CNTNAP2: variants seen among roughly 807,000 people sequenced by gnomAD.
CNTNAP2 encodes the protein contactin associated protein 2, also known as contactin-associated protein-like 2.
In CNTNAP2, 98 loss-of-function variants were observed where a neutral mutation model predicts 155.2. The ratio of observed to expected loss-of-function variants is 0.63; its 90% CI spans 0.54 to 0.75. The LOEUF (loss-of-function observed/expected upper bound fraction) is 0.75, where lower values mean the gene tolerates loss of function less well. Ranked by LOEUF, CNTNAP2 falls within the 30% of genes least tolerant of loss-of-function variation. The pLI, the probability that CNTNAP2 is intolerant of heterozygous loss-of-function variation, is 0.00. For synonymous variants in CNTNAP2, 651 were observed against 631.2 expected, an observed-to-expected ratio of 1.03 and a Z score of -0.47; for missense variants, 1,727 against 1,688.1, an observed-to-expected ratio of 1.02 and a Z score of -0.40.
In CNTNAP2 at chr7:147,685,012, A is replaced by G. The variant is rs529865805; in HGVS notation, c.2098+45706A>G. Among the ~76,000 whole-genome samples the G allele has an allele frequency of 5.9e-5, 9 of 152,052 alleles. No homozygotes were observed. In the South Asian group the frequency reaches 1.9e-3, roughly 31 times the overall value. On this transcript the variant is annotated intron_variant, in intron 13 of 23. Coordinates refer to ENST00000361727, the MANE Select transcript of CNTNAP2 (RefSeq NM_014141.6). The stretch of plus-strand genomic sequence containing the variant: ...TGTAGCTTTTTTTAATATTGTTGAC[A>G]TAAGAGAATCTGAAGTATCATTTCT...
intron 13 of CNTNAP2, among the ~76,000 whole-genome samples, chr7:147,821,686 C>T (rs2116622467): frequency 6.6e-6 from 1 of 151,716 alleles, no homozygotes; most frequent in East Asian, 1.9e-4. Context: ...AGGAAAAGGC[C>T]CTGAAAAGGG....
At chr7:146,856,683 C>G (rs991377030) in intron 3 of CNTNAP2, among the ~76,000 whole-genome samples, 2 of 152,128 alleles carry the variant, frequency 1.3e-5, no homozygotes, top group Admixed American at 1.3e-4. Flanking sequence ...GAAGCAGACA[C>G]TGTGCGCCTC....
At chr7:148,204,900 TC>T (rs1795424001) in intron 18 of CNTNAP2, among the ~76,000 whole-genome samples, 1 of 152,206 alleles carries the variant, frequency 6.6e-6, no homozygotes, top group South Asian at 2.1e-4. Context: ...AGTTACCTCA[TC>T]TGTAAAATAG....
chr7:147,115,843 G>A (rs1800975660), intron 5 of CNTNAP2, among the ~76,000 whole-genome samples: 2 of 152,132 alleles, frequency 1.3e-5, no homozygotes, highest in Admixed American at 6.6e-5. Context: ...GCCCAGTTCT[G>A]AGCGCTTGCT....
intron 5 of CNTNAP2, among the ~76,000 whole-genome samples, chr7:147,112,345 A>T (rs930422620): frequency 6.6e-6 from 1 of 152,076 alleles, no homozygotes; most frequent in Non-Finnish European, 1.5e-5. Context: ...CTTTCTTCCT[A>T]TTTGAATACC....
intron 9 of CNTNAP2, among the ~76,000 whole-genome samples, chr7:147,382,636 T>C (rs77863710): frequency 6.6e-6 from 1 of 152,156 alleles, no homozygotes; most frequent in Admixed American, 6.6e-5. Context: ...GACAGAGATA[T>C]GATTAGAGAC....
intron 11 of CNTNAP2, among the ~76,000 whole-genome samples, chr7:147,499,967 T>C (rs991045629): frequency 7.9e-5 from 12 of 152,298 alleles, no homozygotes; most frequent in African/African-American, 2.9e-4. Flanking sequence ...GAAGTAGAAA[T>C]GTATCTATTT....
intron 21 of CNTNAP2, among the ~76,000 whole-genome samples, chr7:148,359,559 T>C (rs1171254148): frequency 6.6e-6 from 1 of 152,240 alleles, no homozygotes; most frequent in Non-Finnish European, 1.5e-5. Flanking sequence ...TGCAGCCAGT[T>C]ACATTGCTAG....
chr7:146,208,413 T>G (rs1798982363), intron 1 of CNTNAP2, among the ~76,000 whole-genome samples: 1 of 152,138 alleles, frequency 6.6e-6, no homozygotes, highest in South Asian at 2.1e-4. Context: ...TTATTTATAG[T>G]TGAAATAAGA....
chr7:147,108,357 T>C lies in CNTNAP2; in HGVS notation c.754+7T>C. ...GTCCTCAGTTTAAACTTAGGTGTGT[T>C]CTGACTGTCAGTTCTATTCTTTCCG... On this transcript the variant is annotated splice_region_variant and intron_variant, in intron 5 of 23. Coordinates refer to ENST00000361727, the MANE Select transcript of CNTNAP2 (RefSeq NM_014141.6). The C allele has an allele frequency of 6.2e-7, 1 of 1,610,944 alleles. No individual in the cohort carries two copies. The highest frequency in any genetic ancestry group is 1.3e-5 in the African/African-American group (1 of 74,972).
Position 148,305,222 on chromosome 7 carries a change from CAAAAAAAAAAA to C in CNTNAP2, c.3475+38116_3475+38126del, listed in dbSNP as rs34005083. Among the ~76,000 whole-genome samples, 54 of 51,942 alleles carry C rather than the reference CAAAAAAAAAAA, an allele frequency of 1.0e-3. 1 individual carries two copies. The highest frequency in any genetic ancestry group is 1.4e-3 in the African/African-American group (20 of 14,164). The allele number at this position is 51,942 out of a possible 152,430, so 34.1% of individuals were successfully genotyped here. On this transcript the variant is annotated intron_variant, in intron 21 of 23. Coordinates refer to ENST00000361727, the MANE Select transcript of CNTNAP2 (RefSeq NM_014141.6). ...TGGGTGAAAGACCAAGGCCCTGTCTCAAAAAAAAAAAAAAAAAAAAAAAAAAAAAAGTTTCC... is the reference window on the plus strand; with the variant it reads ...TGGGTGAAAGACCAAGGCCCTGTCTCAAAAAAAAAAAAAAAAAAAGTTTCC...
At chr7:147,661,614 A>G (rs28471005) in intron 13 of CNTNAP2, among the ~76,000 whole-genome samples, 6,795 of 149,536 alleles carry the variant, frequency 0.045, 503 homozygotes, top group African/African-American at 0.16. Flanking sequence ...GTGCAGTGGC[A>G]TGACCTCGGC....
chr7:146,466,288 G>T (rs1028242818), intron 1 of CNTNAP2, among the ~76,000 whole-genome samples: 1 of 152,110 alleles, frequency 6.6e-6, no homozygotes, highest in African/African-American at 2.4e-5. Flanking sequence ...CATGTGAGTG[G>T]CTGGGAGTGG....
intron 10 of CNTNAP2, among the ~76,000 whole-genome samples, chr7:147,428,008 A>G (rs2116522139): frequency 6.6e-6 from 1 of 152,314 alleles, no homozygotes; most frequent in Non-Finnish European, 1.5e-5. Flanking sequence ...AAATAGTAAC[A>G]TTATCTTTCA....
At chr7:147,490,477 C>T (rs560193029) in intron 11 of CNTNAP2, among the ~76,000 whole-genome samples, 11 of 152,196 alleles carry the variant, frequency 7.2e-5, no homozygotes, top group African/African-American at 2.6e-4. Flanking sequence ...CAGCCCATAC[C>T]ATGTTGTTGA....
At chr7:146,551,025 G>T (rs1436282583) in intron 1 of CNTNAP2, among the ~76,000 whole-genome samples, 1 of 151,994 alleles carries the variant, frequency 6.6e-6, no homozygotes, top group Non-Finnish European at 1.5e-5. Context: ...AGTGTGATTT[G>T]GTAACGTAAA....
rs776914625 is a variant in CNTNAP2 at position 148,229,725 on chromosome 7, T to A, written c.3327T>A (p.Asn1109Lys). ...ACGTAGACCACAGGAACATGGCCAA[T>A]GGACAGCCCCACAGTGTCAACATCA... ...NIDVDHRNMA[N>K]GQPHSVNITR... The change falls in exon 20 of 24, where the codon AAT becomes AAA. Residue 1109 changes from asparagine to lysine, a missense_variant. Transcript: ENST00000361727. 1 of 1,614,074 alleles carries A rather than the reference T, an allele frequency of 6.2e-7. No individual in the cohort carries two copies. Among genetic ancestry groups the A allele is most frequent in the South Asian group, 1.1e-5 (1 of 91,070 alleles).
intron 10 of CNTNAP2, among the ~76,000 whole-genome samples, chr7:147,404,481 G>A (rs6966749): frequency 0.2 from 29,790 of 151,972 alleles, 3,121 homozygotes; most frequent in Non-Finnish European, 0.21. Context: ...ACCTTAACTC[G>A]GTTTATTTCC....
At chr7:146,812,192 C>T (rs986119863) in intron 2 of CNTNAP2, among the ~76,000 whole-genome samples, 2 of 151,990 alleles carry the variant, frequency 1.3e-5, no homozygotes, top group Non-Finnish European at 2.9e-5. Context: ...TCAGAACTTC[C>T]TAGAGGCTTG....
Sources: allele counts gnomAD v4.1 joint callset (sites outside exome capture counted in the v4.1 genomes callset), GRCh38; gene constraint gnomAD v4.1.1; transcripts MANE v1.5; gene names NCBI Gene and HGNC (gene_info 2026-07-23, HGNC 2026-07-21).